DKK2: variants seen among roughly 807,000 people sequenced by gnomAD.
DKK2 encodes the protein dickkopf Wnt signaling pathway inhibitor 2.
Under a neutral mutation model 28.1 loss-of-function variants are expected in DKK2, and 11 were observed. The observed-to-expected ratio is 0.39, with a 90% CI of 0.25 to 0.65. The LOEUF (loss-of-function observed/expected upper bound fraction) is 0.65. Ranked by LOEUF, DKK2 falls within the 30% of genes least tolerant of loss-of-function variation. The probability of loss-of-function intolerance (pLI) is 0.47; values close to 1 mark genes in which losing one functional copy is unlikely to be tolerated. For missense variants in DKK2, 326 were observed against 335.5 expected, an observed-to-expected ratio of 0.97 and a Z score of 0.22; for synonymous variants, 135 against 126.5, an observed-to-expected ratio of 1.07 and a Z score of -0.45.
At chr4:106,947,078 G>A (rs1314673988) in intron 1 of DKK2, among the ~76,000 whole-genome samples, 2 of 152,116 alleles carry the variant, frequency 1.3e-5, no homozygotes, top group Non-Finnish European at 2.9e-5. Flanking sequence ...TCATTCAGGT[G>A]CTGACAAAGT....
intron 1 of DKK2, among the ~76,000 whole-genome samples, chr4:106,950,953 T>A (rs151233641): frequency 5.6e-4 from 86 of 152,260 alleles, no homozygotes; most frequent in African/African-American, 2.0e-3. Context: ...GTCTACCATA[T>A]TCTGACTTTT....
chr4:106,944,107 G>A (rs914216282), intron 1 of DKK2, among the ~76,000 whole-genome samples: 6 of 152,040 alleles, frequency 3.9e-5, no homozygotes, highest in Non-Finnish European at 5.9e-5. Flanking sequence ...TCTTGGGGGT[G>A]CATAGACTTC....
Position 106,922,985 on chromosome 4 carries a change from A to C in DKK2, c.*969T>G, listed in dbSNP as rs1724369439. The C allele has an allele frequency of 6.6e-6, 1 of 152,176 alleles. No individual in the cohort carries two copies. Among genetic ancestry groups the C allele is most frequent in the Non-Finnish European group, 1.5e-5 (1 of 68,036 alleles). The allele number at this position is 152,176 out of a possible 1,614,324, so 9.4% of individuals were successfully genotyped here. A position where few individuals can be genotyped will look rare whatever the true frequency, so the allele number is the denominator to read the frequency against. ...TATGAATACATGTATTTACCAATCT[A>C]ATTCTATCAAAATACAGGTTATGGC... is the stretch of plus-strand genomic sequence containing the variant. On this transcript the variant is annotated 3_prime_UTR_variant, in exon 4 of 4. Transcript: ENST00000285311.
chr4:106,922,854 A>C lies in DKK2; in HGVS notation c.*1100T>G, dbSNP rs1724367032. Reference sequence around the variant, plus strand: ...AGCCAACTTGTGCCTCAGACATATGATCTATGTGTTGCCAAAACCTGAACA... The same window carrying C: ...AGCCAACTTGTGCCTCAGACATATGCTCTATGTGTTGCCAAAACCTGAACA... On this transcript the variant is annotated 3_prime_UTR_variant, in exon 4 of 4. Transcript: ENST00000285311. 6.6e-6 allele frequency: 1 copy of C among 152,164 alleles called. No individual in the cohort carries two copies. The highest frequency in any genetic ancestry group is 2.4e-5 in the African/African-American group (1 of 41,442). 9.4% of individuals were successfully genotyped at this position (152,164 alleles called of 1,614,324 possible).
At chr4:107,008,760 T>C (rs181754094) in intron 1 of DKK2, among the ~76,000 whole-genome samples, 1 of 152,118 alleles carries the variant, frequency 6.6e-6, no homozygotes, top group Admixed American at 6.5e-5. Context: ...TAGTGTCTAA[T>C]TAGGCTTACA....
intron 3 of DKK2, 111 bp downstream of exon 3, chr4:106,924,434 G>T: frequency 7.3e-7 from 1 of 1,374,656 alleles, no homozygotes; most frequent in Non-Finnish European, 9.8e-7. Context: ...TGACTAGCTA[G>T]GATTAAAGAA....
rs187203318 is a variant in DKK2, at chr4:107,016,236, A to G, written c.222+19134T>C. On this transcript the variant is annotated intron_variant, in intron 1 of 3. Coordinates refer to ENST00000285311, the MANE Select transcript of DKK2 (RefSeq NM_014421.3). ...ATGCACTGTTTGCTGTATGTGTACC[A>G]TAACATAGAAGAAAACTTTTAAAAA... Among the ~76,000 whole-genome samples the G allele has an allele frequency of 4.9e-3, 741 of 152,058 alleles. 3 individuals are homozygous for G. The highest frequency in any genetic ancestry group is 6.9e-3 in the Non-Finnish European group (470 of 67,868).
chr4:106,987,678 A>G (rs1723140512), intron 1 of DKK2, among the ~76,000 whole-genome samples: 1 of 151,748 alleles, frequency 6.6e-6, no homozygotes, highest in South Asian at 2.1e-4. Flanking sequence ...AATAATGAGC[A>G]TAAGTTCTTG....
chr4:106,958,793 C>T (rs560989641), intron 1 of DKK2, among the ~76,000 whole-genome samples: 8 of 147,864 alleles, frequency 5.4e-5, no homozygotes, highest in East Asian at 2.0e-4. Context: ...GCCAAGATCG[C>T]GCCACTGCAC....
rs146803943 is a variant in DKK2, at chr4:107,033,931, T to C, written c.222+1439A>G. ...GTAGGCATGTGCACGTGTGTGAGGA[T>C]GTGCAACGGTTATGTTTGCCTGAAC... is the stretch of plus-strand genomic sequence containing the variant. On this transcript the variant is annotated intron_variant, in intron 1 of 3. Transcript: ENST00000285311. Among the ~76,000 whole-genome samples, 269 of 152,258 alleles carry C rather than the reference T, an allele frequency of 1.8e-3. 2 individuals carry two copies. Among genetic ancestry groups the C allele is most frequent in the South Asian group, 6.8e-3 (33 of 4,824 alleles).
rs191862301 is a variant in DKK2 at position 106,974,578 on chromosome 4, C to T, written c.223-48629G>A. 1.6e-3 allele frequency among the ~76,000 whole-genome samples: 237 copies of T among 152,008 alleles called. 1 individual carries two copies. The highest frequency in any genetic ancestry group is 0.011 in the East Asian group (56 of 5,158). Reference sequence around the variant, plus strand: ...GGTGTATAGGAATGCTTGTGATTTTCGCACATTGATTTTGTATCCTGAGAC... The same window carrying T: ...GGTGTATAGGAATGCTTGTGATTTTTGCACATTGATTTTGTATCCTGAGAC... On this transcript the variant is annotated intron_variant, in intron 1 of 3. Transcript: ENST00000285311.
At chr4:106,946,707 A>G (rs79824971) in intron 1 of DKK2, among the ~76,000 whole-genome samples, 3,199 of 151,960 alleles carry the variant, frequency 0.021, 120 homozygotes, top group African/African-American at 0.073. Context: ...AGGTTGAAAA[A>G]TCAACCTCTG....
At chr4:106,984,214 T>C (rs559674242) in intron 1 of DKK2, among the ~76,000 whole-genome samples, 1 of 152,342 alleles carries the variant, frequency 6.6e-6, no homozygotes, top group Admixed American at 6.5e-5. Context: ...AAATGTATCA[T>C]CTTAACCATT....
intron 1 of DKK2, among the ~76,000 whole-genome samples, chr4:106,978,991 A>G (rs1371795521): frequency 6.6e-6 from 1 of 152,096 alleles, no homozygotes; most frequent in Non-Finnish European, 1.5e-5. Context: ...AGTCCCTCAC[A>G]GCTTCCCTTG....
At chr4:106,945,704 C>T (rs777249387) in intron 1 of DKK2, among the ~76,000 whole-genome samples, 1 of 152,094 alleles carries the variant, frequency 6.6e-6, no homozygotes, top group Non-Finnish European at 1.5e-5. Context: ...CTGGCTTGTT[C>T]ACTGCTGAGT....
chr4:106,981,942 G>A (rs745582007), intron 1 of DKK2, among the ~76,000 whole-genome samples: 3 of 151,998 alleles, frequency 2.0e-5, no homozygotes, highest in Non-Finnish European at 4.4e-5. Flanking sequence ...GGTCATAGTA[G>A]CAACTAGGAT....
At chr4:106,950,213 G>A (rs1724838490) in intron 1 of DKK2, among the ~76,000 whole-genome samples, 1 of 152,182 alleles carries the variant, frequency 6.6e-6, no homozygotes, top group African/African-American at 2.4e-5. Context: ...TCCCATCCCA[G>A]TAAATGGAAA....
At chr4:106,997,799 T>A (rs1157151579) in intron 1 of DKK2, among the ~76,000 whole-genome samples, 2 of 152,248 alleles carry the variant, frequency 1.3e-5, no homozygotes, top group African/African-American at 2.4e-5. Flanking sequence ...AGAAAGTTCT[T>A]TAATAGGTTT....
intron 1 of DKK2, among the ~76,000 whole-genome samples, chr4:106,939,439 C>G (rs1410718118): frequency 6.6e-6 from 1 of 152,186 alleles, no homozygotes; most frequent in Admixed American, 6.5e-5. Context: ...CTACAAATCA[C>G]TGCTCAAGGA....
Sources: gnomAD v4.1 joint callset for allele counts (sites outside exome capture counted in the v4.1 genomes callset) on GRCh38, gnomAD v4.1.1 for gene constraint, MANE v1.5 for transcripts, NCBI Gene and HGNC (gene_info 2026-07-23, HGNC 2026-07-21) for gene names.